PHGDH: variants seen among roughly 807,000 people sequenced by gnomAD.
The protein encoded by PHGDH is phosphoglycerate dehydrogenase, also known as D-3-phosphoglycerate dehydrogenase.
In PHGDH, 50 loss-of-function variants were observed where a neutral mutation model predicts 52.6. That is an observed-to-expected ratio of 0.95 (90% CI 0.76 to 1.20). PHGDH has a LOEUF of 1.20. Among genes scored for constraint, PHGDH ranks in the 50% most tolerant of loss-of-function variants. The pLI is 0.00. For synonymous variants in PHGDH, 271 were observed against 280.5 expected, an observed-to-expected ratio of 0.97 and a Z score of 0.34; for missense variants, 630 against 684.6, an observed-to-expected ratio of 0.92 and a Z score of 0.89.
At chr1:119,715,104 T>G (rs1415224710) in intron 1 of PHGDH, among the ~76,000 whole-genome samples, 2 of 152,230 alleles carry the variant, frequency 1.3e-5, no homozygotes, top group African/African-American at 4.8e-5. Flanking sequence ...TGACCCACAA[T>G]AAGAAATTTG....
At chr1:119,713,662 C>T (rs1265780745) in intron 1 of PHGDH, among the ~76,000 whole-genome samples, 1 of 152,124 alleles carries the variant, frequency 6.6e-6, no homozygotes, top group African/African-American at 2.4e-5. Context: ...GTGGCAGGCT[C>T]CTCACATCTG....
At chr1:119,716,800 A>G (rs972500524) in intron 1 of PHGDH, among the ~76,000 whole-genome samples, 1 of 152,148 alleles carries the variant, frequency 6.6e-6, no homozygotes, top group African/African-American at 2.4e-5. Flanking sequence ...CTGCAAAGAA[A>G]TGACCACTAA....
At chr1:119,734,529 G>C in intron 5 of PHGDH, 105 bp from the exon 6 acceptor site, 1 of 1,023,000 alleles carries the variant, frequency 9.8e-7, no homozygotes. Flanking sequence ...GCTGAGCATG[G>C]TAGTTAGTAT....
chr1:119,721,930 C>T (rs762628627), intron 2 of PHGDH, among the ~76,000 whole-genome samples: 9 of 152,206 alleles, frequency 5.9e-5, no homozygotes, highest in East Asian at 5.8e-4. Context: ...GTCATCAGCA[C>T]GCCAGTGCTG....
intron 7 of PHGDH, among the ~76,000 whole-genome samples, chr1:119,736,328 T>G (rs1416466427): frequency 6.6e-6 from 1 of 152,200 alleles, no homozygotes; most frequent in Non-Finnish European, 1.5e-5. Context: ...CTTCTCCTGC[T>G]CTCTTCAGCA....
chr1:119,734,641 G>C lies in PHGDH; in HGVS notation c.518G>C (p.Gly173Ala). The change falls in exon 6 of 12, where the codon GGG (glycine) becomes GCG (alanine). Residue 173 changes from glycine to alanine, a missense_variant. Gly to Ala is a moderately conservative substitution (Grantham distance 60). Coordinates refer to ENST00000641023, the MANE Select transcript of PHGDH (RefSeq NM_006623.4). ...RMQSFGMKTI[G>A]YDPIISPEVS... ...TCTCTTGCTTCCAACCAGACTATAG[G>C]GTATGACCCCATCATTTCCCCAGAG... The C allele has an allele frequency of 1.2e-6, 2 of 1,613,948 alleles. No individual in the cohort carries two copies. The highest frequency in any genetic ancestry group is 4.5e-5 in the East Asian group (2 of 44,874).
intron 9 of PHGDH, 44 bp from the exon 10 acceptor site, chr1:119,741,723 G>A (rs2101220487): frequency 6.3e-7 from 1 of 1,598,428 alleles, no homozygotes; most frequent in East Asian, 2.2e-5. Context: ...CTCCTGTAGT[G>A]CTCAACAAAC....
chr1:119,722,664 T>C (rs1387255394), intron 2 of PHGDH, among the ~76,000 whole-genome samples: 1 of 151,700 alleles, frequency 6.6e-6, no homozygotes, highest in Admixed American at 6.6e-5. Flanking sequence ...GGAGGATCAC[T>C]TGGGCCCAGG....
chr1:119,712,079 C>G lies in PHGDH; in HGVS notation c.57C>G (p.Cys19Trp). 8.1e-6 allele frequency: 13 copies of G among 1,614,072 alleles called. No homozygotes were observed. Among genetic ancestry groups the G allele is most frequent in the Non-Finnish European group, 1.1e-5 (13 of 1,179,938 alleles). Reference sequence around the variant, plus strand: ...TCAGTGACAGCCTGGACCCTTGCTGCCGGAAGATCTTGCAAGATGGAGGGC... The same window carrying G: ...TCAGTGACAGCCTGGACCCTTGCTGGCGGAAGATCTTGCAAGATGGAGGGC... ...VLISDSLDPC[C>W]RKILQDGGLQ... is the part of the protein sequence containing the mutation. Residue 19 changes from cysteine (C) to tryptophan (W), a missense_variant, in exon 1 of 12, where the codon TGC (cysteine) becomes TGG (tryptophan). Physicochemically the swap from Cys to Trp is radical, Grantham distance 215. Transcript: ENST00000641023.
chr1:119,735,268 G>A (rs1200578552), intron 6 of PHGDH, 27 bp from the exon 7 acceptor site: 1 of 1,613,948 alleles, frequency 6.2e-7, no homozygotes, highest in South Asian at 1.1e-5. Context: ...TGCTGCCCCA[G>A]CAGGAAGATG....
rs1254542363 is a variant in PHGDH, at chr1:119,721,285, T to C, written c.254T>C (p.Leu85Pro). The change falls in exon 2 of 12, where the codon CTG (leucine) becomes CCG (proline). Residue 85 changes from leucine (L) to proline (P), a missense_variant. Leu to Pro is a moderately conservative substitution (Grantham distance 98, BLOSUM62 -3). Coordinates refer to ENST00000641023, the MANE Select transcript of PHGDH (RefSeq NM_006623.4). ...RAGTGVDNVDLEAATRKGILV... is the reference protein window; with the variant it reads ...RAGTGVDNVDPEAATRKGILV... ...GGCACAGGTGTGGACAATGTGGATC[T>C]GGAGGCCGCAACAAGGAAGGGCATC... 1.2e-6 allele frequency: 2 copies of C among 1,613,994 alleles called. No homozygotes were observed. The highest frequency in any genetic ancestry group is 1.7e-6 in the Non-Finnish European group (2 of 1,180,018).
chr1:119,735,439 C>T lies in PHGDH; in HGVS notation c.788C>T (p.Thr263Met), dbSNP rs773221019. The change falls in exon 7 of 12, where the codon ACG becomes ATG. Residue 263 changes from threonine to methionine, a missense_variant. Coordinates refer to ENST00000641023, the MANE Select transcript of PHGDH (RefSeq NM_006623.4). ...QCAGAALDVFTEEPPRDRALV... is the reference protein window; with the variant it reads ...QCAGAALDVFMEEPPRDRALV... ...GCCGGGGCTGCACTGGACGTGTTTA[C>T]GGAAGTAAGTGCCTGGCAGCCTCAG... 49 of 1,612,434 alleles carry T rather than the reference C, an allele frequency of 3.0e-5. No individual in the cohort carries two copies. Among genetic ancestry groups the T allele is most frequent in the South Asian group, 9.9e-5 (9 of 91,082 alleles).
chr1:119,734,193 C>T (rs952480164), intron 5 of PHGDH: 3 of 317,466 alleles, frequency 9.4e-6, no homozygotes, highest in Non-Finnish European at 1.8e-5. Context: ...CCGCTCCCTA[C>T]ATGACTGCCC....
chr1:119,731,068 A>G (rs946048690), intron 5 of PHGDH, among the ~76,000 whole-genome samples: 1 of 152,334 alleles, frequency 6.6e-6, no homozygotes, highest in Non-Finnish European at 1.5e-5. Flanking sequence ...TTAGATGTAG[A>G]AGCATTTGTC....
At chr1:119,727,842 G>A (rs1232570023) in intron 5 of PHGDH, among the ~76,000 whole-genome samples, 1 of 151,942 alleles carries the variant, frequency 6.6e-6, no homozygotes, top group Non-Finnish European at 1.5e-5. Flanking sequence ...TTAAAAAACA[G>A]AAACAAAAAC....
At chr1:119,719,083 G>A (rs1314427429) in intron 1 of PHGDH, among the ~76,000 whole-genome samples, 1 of 152,194 alleles carries the variant, frequency 6.6e-6, no homozygotes, top group Admixed American at 6.5e-5. Context: ...CCAGTATCCT[G>A]TTTCTGCCTG....
intron 3 of PHGDH, 56 bp downstream of exon 3, chr1:119,723,497 C>G: frequency 7.4e-7 from 1 of 1,347,014 alleles, no homozygotes; most frequent in Non-Finnish European, 1.1e-6. Flanking sequence ...ATTATTACCA[C>G]TTGCCAAGCA....
At chr1:119,733,517 TA>T (rs67450914) in intron 5 of PHGDH, among the ~76,000 whole-genome samples, 12,956 of 69,858 alleles carry the variant, frequency 0.19, 764 homozygotes, top group Admixed American at 0.31. Context: ...AAATTTTTTG[TA>T]GGGGGGGGGG....
At chr1:119,712,278 T>C in intron 1 of PHGDH, 118 bp downstream of exon 1, 21 of 660,606 alleles carry the variant, frequency 3.2e-5, no homozygotes, top group Non-Finnish European at 4.1e-5. Flanking sequence ...TTCCGGGGCC[T>C]CCTGAGATTG....
Sources: allele counts gnomAD v4.1 joint callset (sites outside exome capture counted in the v4.1 genomes callset), GRCh38; gene constraint gnomAD v4.1.1; transcripts MANE v1.5; gene names NCBI Gene and HGNC (gene_info 2026-07-23, HGNC 2026-07-21).